PBX3: variants seen among roughly 807,000 people sequenced by gnomAD.
The protein encoded by PBX3 is PBX homeobox 3.
A neutral mutation model predicts 48.5 loss-of-function variants in PBX3; 14 were observed. The ratio of observed to expected loss-of-function variants is 0.29; its 90% CI spans 0.19 to 0.45. The LOEUF (loss-of-function observed/expected upper bound fraction) is 0.45, where lower values mean the gene tolerates loss of function less well. Ranked by LOEUF, PBX3 falls within the 20% of genes least tolerant of loss-of-function variation. PBX3 has a pLI of 1.00. For synonymous variants in PBX3, 210 were observed against 200.3 expected (o/e 1.05, Z -0.41); for missense variants, 386 against 546.7 (o/e 0.71, Z 2.93).
At chr9:125,960,918 C>G in intron 6 of PBX3, 69 bp downstream of exon 6, 1 of 1,493,888 alleles carries the variant, frequency 6.7e-7, no homozygotes, top group Admixed American at 1.8e-5. Context: ...GTCCCACAGG[C>G]CAGGAAACAA....
intron 2 of PBX3, among the ~76,000 whole-genome samples, chr9:125,862,806 G>T (rs1477383022): frequency 6.6e-6 from 1 of 152,172 alleles, no homozygotes; most frequent in Non-Finnish European, 1.5e-5. Flanking sequence ...AGAAGAGTCA[G>T]ATTTGAATGT....
At chr9:125,953,631 C>A (rs528360237) in intron 5 of PBX3, among the ~76,000 whole-genome samples, 5 of 152,302 alleles carry the variant, frequency 3.3e-5, no homozygotes, top group African/African-American at 1.2e-4. Context: ...TAAACTGTAT[C>A]TACCTCCCTT....
At chr9:125,800,156 T>C (rs904607403) in intron 2 of PBX3, among the ~76,000 whole-genome samples, 5 of 152,316 alleles carry the variant, frequency 3.3e-5, no homozygotes, top group African/African-American at 1.2e-4. Context: ...TCAGTGGTGC[T>C]TACTGATCTG....
chr9:125,755,006 A>G (rs73667052), intron 2 of PBX3, among the ~76,000 whole-genome samples: 5,904 of 152,158 alleles, frequency 0.039, 402 homozygotes, highest in African/African-American at 0.13. Context: ...TTGGTATACA[A>G]TGTAATCCTT....
intron 8 of PBX3, among the ~76,000 whole-genome samples, chr9:125,964,997 G>C (rs139454436): frequency 1.3e-5 from 2 of 152,304 alleles, no homozygotes; most frequent in East Asian, 1.9e-4. Context: ...CTCCAGAAAG[G>C]CCTGCCCCAT....
At chr9:125,926,867 A>G (rs1341401951) in intron 3 of PBX3, among the ~76,000 whole-genome samples, 3 of 152,190 alleles carry the variant, frequency 2.0e-5, no homozygotes, top group Non-Finnish European at 4.4e-5. Context: ...ATAGTGGGGA[A>G]GATCTTAAAT....
intron 2 of PBX3, among the ~76,000 whole-genome samples, chr9:125,819,752 A>G (rs1838593074): frequency 6.6e-6 from 1 of 152,172 alleles, no homozygotes; most frequent in Non-Finnish European, 1.5e-5. Context: ...TATATACACA[A>G]TGTAACCCTG....
intron 2 of PBX3, among the ~76,000 whole-genome samples, chr9:125,754,596 A>G (rs1053310303): frequency 2.8e-4 from 11 of 39,926 alleles, no homozygotes; most frequent in Non-Finnish European, 7.1e-4. Flanking sequence ...AACTCAGAAC[A>G]TATTAAAAAA....
chr9:125,830,938 C>T (rs947251688), intron 2 of PBX3, among the ~76,000 whole-genome samples: 1 of 152,028 alleles, frequency 6.6e-6, no homozygotes, highest in Non-Finnish European at 1.5e-5. Context: ...ACAATGAACT[C>T]CTGTATAACC....
At chr9:125,767,485 C>G (rs1836829567) in intron 2 of PBX3, among the ~76,000 whole-genome samples, 1 of 152,192 alleles carries the variant, frequency 6.6e-6, no homozygotes, top group African/African-American at 2.4e-5. Flanking sequence ...TCACAGGTAT[C>G]TATGCTTGTG....
intron 2 of PBX3, among the ~76,000 whole-genome samples, chr9:125,780,107 A>G (rs1837215494): frequency 2.4e-5 from 3 of 125,450 alleles, no homozygotes; most frequent in African/African-American, 3.1e-5. Context: ...CTGGCTGGGC[A>G]GAGGGGCTCC....
At chr9:125,900,214 AC>A (rs1326798967) in intron 2 of PBX3, among the ~76,000 whole-genome samples, 3 of 134,080 alleles carry the variant, frequency 2.2e-5, no homozygotes, top group African/African-American at 8.4e-5. Context: ...ATTCTTAAAC[AC>A]CCCTCCCCCC....
At position 125,748,567 on chromosome 9, in the gene PBX3, G is replaced by A. The variant is rs777431167; in HGVS notation, c.218G>A (p.Cys73Tyr). ...EAQAKKHALN[C>Y]HRMKPALFSV... ...TTTTTTAGGAAACATGCCCTGAACT[G>A]TCACAGAATGAAACCAGCGCTCTTC... Residue 73 changes from cysteine to tyrosine, a missense_variant, in exon 2 of 9, where the codon TGT becomes TAT. This residue lies in a region of PBX3 where 69 missense variants were observed against 99.1 expected (regional missense o/e 0.70). Coordinates refer to ENST00000373489, the MANE Select transcript of PBX3 (RefSeq NM_006195.6). 1.2e-6 allele frequency: 2 copies of A among 1,613,844 alleles called. No individual in the cohort carries two copies. The highest frequency in any genetic ancestry group is 1.1e-5 in the South Asian group (1 of 91,090).
At chr9:125,773,232 A>T (rs1836986881) in intron 2 of PBX3, among the ~76,000 whole-genome samples, 1 of 152,172 alleles carries the variant, frequency 6.6e-6, no homozygotes, top group Non-Finnish European at 1.5e-5. Flanking sequence ...AAAAGAGGAA[A>T]CAATGGTTTT....
chr9:125,780,645 A>AC (rs546120994), intron 2 of PBX3, among the ~76,000 whole-genome samples: 16 of 68,046 alleles, frequency 2.4e-4, no homozygotes, highest in African/African-American at 9.1e-4. Context: ...CGGGGGGCTG[A>AC]CCCCCCCACC....
At chr9:125,851,513 T>C (rs753236715) in intron 2 of PBX3, among the ~76,000 whole-genome samples, 3 of 152,092 alleles carry the variant, frequency 2.0e-5, no homozygotes, top group Admixed American at 6.6e-5. Context: ...AGAAGCATCT[T>C]TTTTAACACG....
chr9:125,780,739 T>C (rs1588139855), intron 2 of PBX3, among the ~76,000 whole-genome samples: 3 of 82,070 alleles, frequency 3.7e-5, no homozygotes, highest in Admixed American at 2.4e-4. Context: ...CCCCCCCACC[T>C]CCCTCCCGGA....
rs1269164200 is a variant in PBX3 at position 125,965,923 on chromosome 9, ATC to A, written c.*4_*5del. 1 of 1,609,176 alleles carries A rather than the reference ATC, an allele frequency of 6.2e-7. No individual in the cohort carries two copies. Among genetic ancestry groups the A allele is most frequent in the South Asian group, 1.1e-5 (1 of 90,906 alleles). Reference sequence around the variant, plus strand: ...GTGTGCACTCGGATACCTCTAACTAATCTCTGGCCACACTTTTCCCTGAGCTA... The same window carrying A: ...GTGTGCACTCGGATACCTCTAACTAATCTGGCCACACTTTTCCCTGAGCTA... On this transcript the variant is annotated 3_prime_UTR_variant, in exon 9 of 9. Transcript: ENST00000373489.
At chr9:125,804,383 G>A (rs961090150) in intron 2 of PBX3, among the ~76,000 whole-genome samples, 5 of 152,096 alleles carry the variant, frequency 3.3e-5, no homozygotes, top group African/African-American at 1.2e-4. Flanking sequence ...CTCATCCTGG[G>A]ATGGCTAAGC....
Sources: gnomAD v4.1 joint callset for allele counts (sites outside exome capture counted in the v4.1 genomes callset) on GRCh38, gnomAD v4.1.1 for gene constraint, gnomAD v4.1.1 regional missense constraint, MANE v1.5 for transcripts, NCBI Gene and HGNC (gene_info 2026-07-23, HGNC 2026-07-21) for gene names.